Variants in GALNT13 observed in about 807,000 individuals in gnomAD.
GALNT13 encodes UDP-GalNAc:polypeptide N-acetylgalactosaminyltransferase 13.
In GALNT13, 28 loss-of-function variants were observed where a neutral mutation model predicts 64.2. The observed-to-expected ratio is 0.44, with a 90% CI of 0.32 to 0.60. GALNT13 has a LOEUF of 0.60. GALNT13 is among the 20% of genes least tolerant of loss of function. The pLI is 0.05. For missense variants in GALNT13, 577 were observed against 669.8 expected (o/e 0.86, Z 1.53); for synonymous variants, 214 against 224.6 (o/e 0.95, Z 0.42).
chr2:153,626,037 A>G, the GALNT13 span, among the ~76,000 whole-genome samples: 7 of 152,082 alleles, frequency 4.6e-5, no homozygotes, highest in African/African-American at 1.2e-4. Context: ...TTGCTCTAAA[A>G]TTAATATATT....
chr2:153,316,025 A>G, the GALNT13 span, among the ~76,000 whole-genome samples: 2 of 152,150 alleles, frequency 1.3e-5, no homozygotes, highest in Non-Finnish European at 2.9e-5. Context: ...TGGACAGTAA[A>G]CACATGAAAA....
At chr2:153,534,099 C>T in the GALNT13 span, among the ~76,000 whole-genome samples, 1 of 152,020 alleles carries the variant, frequency 6.6e-6, no homozygotes, top group Non-Finnish European at 1.5e-5. Context: ...CTACTTTATC[C>T]TTTAGAACCC....
the GALNT13 span, among the ~76,000 whole-genome samples, chr2:153,616,214 G>A: frequency 1.3e-5 from 2 of 151,554 alleles, no homozygotes; most frequent in Non-Finnish European, 1.5e-5. Context: ...CCAAGTGTAT[G>A]TTCTTGACAC....
At chr2:153,104,474 A>T in the GALNT13 span, among the ~76,000 whole-genome samples, 1 of 152,314 alleles carries the variant, frequency 6.6e-6, no homozygotes, top group African/African-American at 2.4e-5. Context: ...CCTGACAAAA[A>T]ACAATGAAAA....
intron 4 of GALNT13, among the ~76,000 whole-genome samples, chr2:154,153,109 G>C (rs938493866): frequency 2.0e-5 from 3 of 152,094 alleles, no homozygotes; most frequent in Admixed American, 2.0e-4. Context: ...ATGGGTTTTT[G>C]GTGTGGATGT....
chr2:153,880,208 A>G (rs974624757), intron 1 of GALNT13, among the ~76,000 whole-genome samples: 4 of 152,122 alleles, frequency 2.6e-5, no homozygotes, highest in African/African-American at 9.7e-5. Flanking sequence ...TTTTTTCTCA[A>G]TAATTTTTGT....
the GALNT13 span, among the ~76,000 whole-genome samples, chr2:153,428,465 A>G: frequency 2.6e-5 from 4 of 152,302 alleles, no homozygotes; most frequent in African/African-American, 9.6e-5. Flanking sequence ...ATCTGCTACC[A>G]TGCCACAGAT....
chr2:154,158,758 T>A (rs528048765), intron 4 of GALNT13, among the ~76,000 whole-genome samples: 1 of 152,306 alleles, frequency 6.6e-6, no homozygotes, highest in South Asian at 2.1e-4. Flanking sequence ...TAATTATGCC[T>A]GAGGTTGCAA....
the GALNT13 span, among the ~76,000 whole-genome samples, chr2:153,102,901 T>C: frequency 6.6e-6 from 1 of 152,148 alleles, no homozygotes; most frequent in Non-Finnish European, 1.5e-5. Context: ...GGTCATGTGA[T>C]AAGGGTGGAG....
intron 9 of GALNT13, among the ~76,000 whole-genome samples, chr2:154,359,078 T>C (rs139542529): frequency 3.9e-5 from 6 of 152,126 alleles, no homozygotes; most frequent in African/African-American, 1.4e-4. Context: ...GTTTGGTGAA[T>C]CAGAACTACA....
chr2:153,680,489 A>C, the GALNT13 span, among the ~76,000 whole-genome samples: 8 of 151,874 alleles, frequency 5.3e-5, no homozygotes, highest in Admixed American at 2.6e-4. Flanking sequence ...ATAAAAATAA[A>C]CTCAATTTAT....
At chr2:153,293,042 G>T in the GALNT13 span, among the ~76,000 whole-genome samples, 21 of 151,948 alleles carry the variant, frequency 1.4e-4, no homozygotes, top group African/African-American at 5.1e-4. Flanking sequence ...TCTTCCAGGT[G>T]CTTGATATCT....
the GALNT13 span, among the ~76,000 whole-genome samples, chr2:153,862,969 C>T: frequency 2.0e-5 from 3 of 151,958 alleles, no homozygotes; most frequent in African/African-American, 7.2e-5. Flanking sequence ...ATGAGTCATT[C>T]TTTTTTCATT....
chr2:153,687,281 T>C, the GALNT13 span, among the ~76,000 whole-genome samples: 1 of 152,006 alleles, frequency 6.6e-6, no homozygotes, highest in African/African-American at 2.4e-5. Flanking sequence ...CTGGGCTTTT[T>C]TTGGTTGATA....
the GALNT13 span, among the ~76,000 whole-genome samples, chr2:153,174,406 A>C: frequency 1.3e-5 from 2 of 151,650 alleles, no homozygotes; most frequent in African/African-American, 4.9e-5. Context: ...CACATGCCTA[A>C]TCTCCTGAGC....
At chr2:153,819,202 T>C in the GALNT13 span, among the ~76,000 whole-genome samples, 1 of 152,268 alleles carries the variant, frequency 6.6e-6, no homozygotes, top group South Asian at 2.1e-4. Context: ...AGTACTGCTA[T>C]ATTTGAGAAC....
At chr2:154,301,282 C>T (rs1693426640) in intron 8 of GALNT13, 127 bp from the exon 9 acceptor site, 2 of 751,754 alleles carry the variant, frequency 2.7e-6, no homozygotes, top group South Asian at 2.0e-5. Flanking sequence ...GTATAGTGTA[C>T]CAGTTCTAAA....
At chr2:154,385,214 G>A (rs183176500) in intron 9 of GALNT13, among the ~76,000 whole-genome samples, 63 of 152,018 alleles carry the variant, frequency 4.1e-4, no homozygotes, top group Non-Finnish European at 7.1e-4. Flanking sequence ...AAATATTTTC[G>A]TTTGTCAGTC....
chr2:153,528,155 G>T, the GALNT13 span, among the ~76,000 whole-genome samples: 25 of 151,578 alleles, frequency 1.6e-4, no homozygotes, highest in Non-Finnish European at 3.2e-4. Context: ...AAAAAAACAA[G>T]ATCATTGATC....
Sources: gnomAD v4.1 joint callset for allele counts (sites outside exome capture counted in the v4.1 genomes callset) on GRCh38, gnomAD v4.1.1 for gene constraint, MANE v1.5 for transcripts, NCBI Gene and HGNC (gene_info 2026-07-23, HGNC 2026-07-21) for gene names.